Variants in PCBP3 observed in about 807,000 individuals in gnomAD.
The protein encoded by PCBP3 is poly(rC)-binding protein 3.
Under a neutral mutation model 52.7 loss-of-function variants are expected in PCBP3, and 25 were observed. The observed-to-expected ratio is 0.47, with a 90% CI of 0.35 to 0.66. The LOEUF is 0.66. Ranked by LOEUF, PCBP3 falls within the 30% of genes least tolerant of loss-of-function variation. PCBP3 has a pLI of 0.01. For synonymous variants in PCBP3, 162 were observed against 183.0 expected, an observed-to-expected ratio of 0.89 and a Z score of 0.93; for missense variants, 391 against 490.3, an observed-to-expected ratio of 0.80 and a Z score of 1.91.
At chr21:45,939,004 T>C (rs973685336) in intron 16 of PCBP3, among the ~76,000 whole-genome samples, 4 of 152,190 alleles carry the variant, frequency 2.6e-5, no homozygotes, top group Non-Finnish European at 5.9e-5. Flanking sequence ...AGCGTCTTAC[T>C]GGTGTAAGGA....
intron 2 of PCBP3, among the ~76,000 whole-genome samples, chr21:45,719,467 A>G (rs796944905): frequency 2.6e-5 from 4 of 152,228 alleles, no homozygotes; most frequent in African/African-American, 9.6e-5. Context: ...CCTCACTCAG[A>G]TCTCATCTTG....
intron 2 of PCBP3, among the ~76,000 whole-genome samples, chr21:45,674,725 T>G (rs77425856): frequency 0.012 from 1,759 of 152,286 alleles, 51 homozygotes; most frequent in African/African-American, 0.039. Context: ...TTCATATGAT[T>G]AGTGTGGAGG....
intron 2 of PCBP3, among the ~76,000 whole-genome samples, chr21:45,705,967 T>C (rs1342087318): frequency 5.3e-5 from 8 of 152,236 alleles, no homozygotes; most frequent in Non-Finnish European, 1.5e-5. Context: ...TGTGTGTTTA[T>C]GTCAGTGTGA....
At chr21:45,933,116 G>A (rs2076491131) in intron 15 of PCBP3, among the ~76,000 whole-genome samples, 1 of 152,184 alleles carries the variant, frequency 6.6e-6, no homozygotes, top group Admixed American at 6.5e-5. Context: ...ATGCCATCCT[G>A]AGATGAATGA....
chr21:45,856,880 A>G (rs951329587), intron 5 of PCBP3, among the ~76,000 whole-genome samples: 3 of 152,178 alleles, frequency 2.0e-5, no homozygotes, highest in Non-Finnish European at 4.4e-5. Context: ...AGGTGGGACA[A>G]CTCAAAGTGA....
intron 4 of PCBP3, among the ~76,000 whole-genome samples, chr21:45,755,886 T>C (rs1347069334): frequency 6.6e-6 from 1 of 152,206 alleles, no homozygotes; most frequent in Admixed American, 6.5e-5. Flanking sequence ...TGCCTTGAAT[T>C]TTTATTTTCT....
chr21:45,770,305 T>G (rs2089758080), intron 4 of PCBP3, among the ~76,000 whole-genome samples: 1 of 152,256 alleles, frequency 6.6e-6, no homozygotes, highest in South Asian at 2.1e-4. Flanking sequence ...AAATATAATT[T>G]TTTATTCATA....
At chr21:45,884,107 T>C (rs940941956) in intron 5 of PCBP3, among the ~76,000 whole-genome samples, 3 of 151,986 alleles carry the variant, frequency 2.0e-5, no homozygotes, top group Non-Finnish European at 4.4e-5. Flanking sequence ...CCAATTTATT[T>C]TTATATTTTG....
intron 11 of PCBP3, among the ~76,000 whole-genome samples, chr21:45,912,152 G>T (rs765190816): frequency 2.0e-5 from 3 of 152,202 alleles, no homozygotes; most frequent in Middle Eastern, 3.2e-3. Flanking sequence ...ACAGATGCAG[G>T]TGCACCCGCT....
intron 4 of PCBP3, among the ~76,000 whole-genome samples, chr21:45,824,117 A>G (rs2093237573): frequency 6.6e-6 from 1 of 152,134 alleles, no homozygotes; most frequent in South Asian, 2.1e-4. Flanking sequence ...TAAAGTGGCT[A>G]TTTTTGATGG....
At chr21:45,714,528 A>T (rs1045917656) in intron 2 of PCBP3, among the ~76,000 whole-genome samples, 1 of 152,240 alleles carries the variant, frequency 6.6e-6, no homozygotes, top group Admixed American at 6.5e-5. Context: ...TACAGATAAG[A>T]TTATACATTT....
rs1036436792 is a variant in PCBP3, at chr21:45,799,552, G to A, written c.-126+44100G>A. ...AGGTAGCCACTGAGAGTCTTGGAACGTACCCCTCTTGGATAAGGGGGGAGG... is the reference window on the plus strand; with the variant it reads ...AGGTAGCCACTGAGAGTCTTGGAACATACCCCTCTTGGATAAGGGGGGAGG... On this transcript the variant is annotated intron_variant, in intron 4 of 17. Transcript: ENST00000681687. 6.6e-5 allele frequency among the ~76,000 whole-genome samples: 10 copies of A among 152,244 alleles called. No homozygotes were observed. The East Asian group carries it at 7.7e-4, about 12-fold the overall frequency.
chr21:45,856,295 T>A (rs1354306916), intron 5 of PCBP3, among the ~76,000 whole-genome samples: 1 of 152,208 alleles, frequency 6.6e-6, no homozygotes, highest in Non-Finnish European at 1.5e-5. Context: ...CCACAGCCCC[T>A]TCTCTTAACC....
chr21:45,941,008 C>T (rs1336150891), intron 17 of PCBP3, among the ~76,000 whole-genome samples: 8 of 152,208 alleles, frequency 5.3e-5, no homozygotes, highest in East Asian at 1.9e-4. Flanking sequence ...ACCCCTGTCC[C>T]GGTGACCCTT....
chr21:45,909,530 C>A (rs764410213), intron 10 of PCBP3, 44 bp downstream of exon 10: 10 of 1,593,110 alleles, frequency 6.3e-6, no homozygotes, highest in South Asian at 3.3e-5. Context: ...AGCCTCTAGG[C>A]GGGCTGCGGG....
intron 13 of PCBP3, among the ~76,000 whole-genome samples, chr21:45,927,747 A>G (rs2075663411): frequency 1.3e-5 from 2 of 152,302 alleles, no homozygotes; most frequent in South Asian, 4.1e-4. Flanking sequence ...CCGCAGCCAC[A>G]GCTGCTGCTC....
intron 4 of PCBP3, chr21:45,763,129 G>C (rs1004453764): frequency 3.3e-5 from 5 of 152,254 alleles, no homozygotes; most frequent in African/African-American, 1.2e-4. Context: ...GCGACTCTCC[G>C]GAGGTGCCCC....
chr21:45,861,301 A>C (rs1946860414), intron 5 of PCBP3, among the ~76,000 whole-genome samples: 1 of 152,134 alleles, frequency 6.6e-6, no homozygotes, highest in African/African-American at 2.4e-5. Context: ...CCCCACTGGC[A>C]ACCAGGCCCT....
chr21:45,646,123 G>GTGTGT (rs1162446982), intron 1 of PCBP3, among the ~76,000 whole-genome samples: 1 of 137,752 alleles, frequency 7.3e-6, no homozygotes, highest in Non-Finnish European at 1.6e-5. Flanking sequence ...GTGTGTGTGT[G>GTGTGT]TGTGTGTGTG....
Sources: gnomAD v4.1 joint callset for allele counts (sites outside exome capture counted in the v4.1 genomes callset) on GRCh38, gnomAD v4.1.1 for gene constraint, MANE v1.5 for transcripts, NCBI Gene and HGNC (gene_info 2026-07-23, HGNC 2026-07-21) for gene names.